Variants in XKR6 observed in about 807,000 individuals in gnomAD.
XKR6 encodes the protein XK related 6.
In XKR6, 22 loss-of-function variants were observed where a neutral mutation model predicts 56.7. The ratio of observed to expected loss-of-function variants is 0.39; its 90% CI spans 0.28 to 0.55. The LOEUF (loss-of-function observed/expected upper bound fraction) is 0.55, where lower values mean the gene tolerates loss of function less well. XKR6 is among the 20% of genes least tolerant of loss of function. XKR6 has a pLI of 0.66. For synonymous variants in XKR6, 524 were observed against 387.8 expected, an observed-to-expected ratio of 1.35 and a Z score of -4.13; for missense variants, 852 against 889.0, an observed-to-expected ratio of 0.96 and a Z score of 0.53.
At chr8:11,160,706 G>C (rs1383403537) in intron 1 of XKR6, among the ~76,000 whole-genome samples, 1 of 151,998 alleles carries the variant, frequency 6.6e-6, no homozygotes, top group Non-Finnish European at 1.5e-5. Flanking sequence ...TCAAGAGATC[G>C]AGACCAGCCT....
intron 2 of XKR6, among the ~76,000 whole-genome samples, chr8:10,916,920 T>G (rs1014659192): frequency 6.6e-6 from 1 of 152,172 alleles, no homozygotes; most frequent in African/African-American, 2.4e-5. Context: ...GCAAGTGAAG[T>G]TGAGAAAGAA....
At chr8:10,909,651 C>T (rs907180994) in intron 2 of XKR6, among the ~76,000 whole-genome samples, 1 of 152,208 alleles carries the variant, frequency 6.6e-6, no homozygotes, top group African/African-American at 2.4e-5. Context: ...TGCTAGCCGC[C>T]ATGATCTCCC....
Position 10,988,133 on chromosome 8 carries a change from C to T in XKR6, c.765-63303G>A, listed in dbSNP as rs567809323. Among the ~76,000 whole-genome samples, 13 of 152,346 alleles carry T rather than the reference C, an allele frequency of 8.5e-5. 1 individual carries two copies. Among genetic ancestry groups the T allele is most frequent in the African/African-American group, 3.1e-4 (13 of 41,592 alleles). On this transcript the variant is annotated intron_variant, in intron 1 of 2. Transcript: ENST00000416569. ...TTCAACCACCTGCCAACTTCATATC[C>T]CCATCCCCTGCTTTGTTTTTTGCCC... is the stretch of plus-strand genomic sequence containing the variant.
At chr8:11,101,123 T>C (rs1427430699) in intron 1 of XKR6, among the ~76,000 whole-genome samples, 1 of 152,268 alleles carries the variant, frequency 6.6e-6, no homozygotes. Context: ...AGAATTCTAG[T>C]ACTGTGCACC....
chr8:11,090,615 T>C (rs1315093896), intron 1 of XKR6, among the ~76,000 whole-genome samples: 1 of 152,224 alleles, frequency 6.6e-6, no homozygotes, highest in Non-Finnish European at 1.5e-5. Flanking sequence ...ATTGTTTTAA[T>C]TGCATTTTTC....
intron 1 of XKR6, among the ~76,000 whole-genome samples, chr8:11,145,749 T>C (rs1483820911): frequency 6.6e-6 from 1 of 152,140 alleles, no homozygotes; most frequent in Non-Finnish European, 1.5e-5. Flanking sequence ...GGTCAGAAGG[T>C]TTAATATTGT....
At chr8:10,984,454 A>G (rs1797804866) in intron 1 of XKR6, among the ~76,000 whole-genome samples, 1 of 152,150 alleles carries the variant, frequency 6.6e-6, no homozygotes, top group Non-Finnish European at 1.5e-5. Flanking sequence ...TTAATTAGAA[A>G]GACAGATCTA....
intron 1 of XKR6, among the ~76,000 whole-genome samples, chr8:11,181,534 T>C (rs538878072): frequency 6.6e-6 from 1 of 152,346 alleles, no homozygotes; most frequent in East Asian, 1.9e-4. Flanking sequence ...GCTTTAACAT[T>C]GTTAGACCTT....
At chr8:10,997,933 T>C (rs766355476) in intron 1 of XKR6, among the ~76,000 whole-genome samples, 1 of 152,106 alleles carries the variant, frequency 6.6e-6, no homozygotes, top group Non-Finnish European at 1.5e-5. Context: ...GCAGTCTCAA[T>C]CACAGGATGC....
intron 1 of XKR6, among the ~76,000 whole-genome samples, chr8:11,168,381 T>C (rs1283853186): frequency 6.6e-6 from 1 of 152,074 alleles, no homozygotes; most frequent in Non-Finnish European, 1.5e-5. Flanking sequence ...GCACCAAACA[T>C]AGAGTCCCAA....
intron 1 of XKR6, among the ~76,000 whole-genome samples, chr8:10,941,674 C>A (rs1009039204): frequency 5.3e-5 from 8 of 152,228 alleles, no homozygotes; most frequent in African/African-American, 1.9e-4. Flanking sequence ...AGCCTCCTGA[C>A]CTCAGAGCCT....
chr8:11,128,422 C>T (rs1041957961), intron 1 of XKR6, among the ~76,000 whole-genome samples: 1 of 152,206 alleles, frequency 6.6e-6, no homozygotes, highest in Non-Finnish European at 1.5e-5. Flanking sequence ...CCGTCTCCTT[C>T]ATCACAACTG....
chr8:11,098,760 C>T (rs966807808), intron 1 of XKR6, among the ~76,000 whole-genome samples: 1 of 152,168 alleles, frequency 6.6e-6, no homozygotes, highest in African/African-American at 2.4e-5. Flanking sequence ...AACTATTAGT[C>T]TATTCACATT....
At chr8:11,005,214 T>C (rs1798338369) in intron 1 of XKR6, among the ~76,000 whole-genome samples, 1 of 152,056 alleles carries the variant, frequency 6.6e-6, no homozygotes, top group Non-Finnish European at 1.5e-5. Context: ...ACGCAAGATT[T>C]CATCATGCTG....
At chr8:11,199,205 GT>G (rs1311514809) in intron 1 of XKR6, among the ~76,000 whole-genome samples, 1 of 152,202 alleles carries the variant, frequency 6.6e-6, no homozygotes, top group Admixed American at 6.5e-5. Flanking sequence ...ACTCTGGGTG[GT>G]GCAGGGCCTA....
At chr8:11,013,865 C>G (rs1798554305) in intron 1 of XKR6, among the ~76,000 whole-genome samples, 2 of 152,338 alleles carry the variant, frequency 1.3e-5, no homozygotes, top group African/African-American at 4.8e-5. Context: ...TGACCACGGC[C>G]CTGCCTTCCA....
intron 1 of XKR6, among the ~76,000 whole-genome samples, chr8:11,070,778 C>T (rs561457585): frequency 6.6e-6 from 1 of 152,170 alleles, no homozygotes; most frequent in East Asian, 1.9e-4. Flanking sequence ...ATTTAGAGAT[C>T]GTGAATCAAT....
At chr8:11,193,747 C>G (rs2409729) in intron 1 of XKR6, among the ~76,000 whole-genome samples, 44,335 of 136,866 alleles carry the variant, frequency 0.32, 8,480 homozygotes, top group Non-Finnish European at 0.39. Context: ...GACCCCCCCC[C>G]CCCCACAAAA....
At chr8:11,176,078 T>C (rs1802639811) in intron 1 of XKR6, among the ~76,000 whole-genome samples, 1 of 152,172 alleles carries the variant, frequency 6.6e-6, no homozygotes, top group African/African-American at 2.4e-5. Context: ...TTTTACAAGG[T>C]TCCCAGCTTG....
Sources: gnomAD v4.1 joint callset for allele counts (sites outside exome capture counted in the v4.1 genomes callset) on GRCh38, gnomAD v4.1.1 for gene constraint, MANE v1.5 for transcripts, NCBI Gene and HGNC (gene_info 2026-07-23, HGNC 2026-07-21) for gene names.